Variants in FAM222A observed in about 807,000 individuals in gnomAD.
The protein encoded by FAM222A is family with sequence similarity 222 member A.
In FAM222A, 7 loss-of-function variants were observed where a neutral mutation model predicts 25.8. That is an observed-to-expected ratio of 0.27 (90% CI 0.15 to 0.51). The LOEUF (loss-of-function observed/expected upper bound fraction) is 0.51, where lower values mean the gene tolerates loss of function less well. FAM222A is among the 20% of genes least tolerant of loss of function. The pLI is 0.97. For missense variants in FAM222A, 573 were observed against 640.5 expected (o/e 0.89, Z 1.14); for synonymous variants, 294 against 298.8 (o/e 0.98, Z 0.17).
At chr12:109,720,435 A>C (rs556046162) in intron 1 of FAM222A, among the ~76,000 whole-genome samples, 1 of 152,340 alleles carries the variant, frequency 6.6e-6, no homozygotes, top group East Asian at 1.9e-4. Context: ...TCCAGGCCTG[A>C]GCTTGGCACT....
At chr12:109,737,521 G>A (rs1216453345) in intron 1 of FAM222A, among the ~76,000 whole-genome samples, 1 of 151,558 alleles carries the variant, frequency 6.6e-6, no homozygotes, top group Non-Finnish European at 1.5e-5. Context: ...CAGATACAGT[G>A]GTAATTCTGG....
At chr12:109,721,648 G>A (rs896227178) in intron 1 of FAM222A, among the ~76,000 whole-genome samples, 3 of 152,190 alleles carry the variant, frequency 2.0e-5, no homozygotes, top group Non-Finnish European at 2.9e-5. Context: ...GACCAGGGGG[G>A]ACAGCGAGGG....
At chr12:109,734,455 A>G (rs532822864) in intron 1 of FAM222A, 14 of 152,098 alleles carry the variant, frequency 9.2e-5, no homozygotes, top group Admixed American at 9.2e-4. Flanking sequence ...TGGATTTCCA[A>G]GCCTCTGGGG....
chr12:109,749,586 AG>A (rs1888504225), intron 2 of FAM222A, among the ~76,000 whole-genome samples: 1 of 152,140 alleles, frequency 6.6e-6, no homozygotes, highest in Non-Finnish European at 1.5e-5. Flanking sequence ...TTCAGGATTC[AG>A]TTTGGTGTAT....
In FAM222A at chr12:109,767,995, C is replaced by T. The variant is rs1463626840; in HGVS notation, c.83-17C>T. 2.5e-6 allele frequency: 4 copies of T among 1,606,382 alleles called. No homozygotes were observed. Among genetic ancestry groups the T allele is most frequent in the Middle Eastern group, 1.7e-4 (1 of 6,022 alleles). ...ATGGCCTCCTGATGGGCCCTCACAC[C>T]TGCTTTCCTCCCACAGGCGAGGCGG... is the stretch of plus-strand genomic sequence containing the variant. On this transcript the variant is annotated splice_polypyrimidine_tract_variant and intron_variant, in intron 2 of 2. Transcript: ENST00000538780.
chr12:109,746,805 C>A (rs1215872728), intron 2 of FAM222A, among the ~76,000 whole-genome samples: 1 of 152,160 alleles, frequency 6.6e-6, no homozygotes, highest in Non-Finnish European at 1.5e-5. Flanking sequence ...AACCTCCTCC[C>A]CTTTCTCTAC....
chr12:109,770,058 T>C lies in FAM222A; in HGVS notation c.*770T>C, dbSNP rs1340162974. ...ACTTTCACCCAAACTTGTATATTTA[T>C]TACAATTTTCTGCATCTTGAGGAAG... On this transcript the variant is annotated 3_prime_UTR_variant, in exon 3 of 3. Coordinates refer to ENST00000538780, the MANE Select transcript of FAM222A (RefSeq NM_032829.3). 6.6e-6 allele frequency: 1 copy of C among 152,222 alleles called. No individual in the cohort carries two copies. The highest frequency in any genetic ancestry group is 2.4e-5 in the African/African-American group (1 of 41,432). 9.4% of individuals were successfully genotyped at this position (152,222 alleles called of 1,614,324 possible). A position where few individuals can be genotyped will look rare whatever the true frequency, so the allele number is the denominator to read the frequency against.
In FAM222A at chr12:109,714,248, T is replaced by C; in HGVS notation, c.-696T>C. 1.5e-5 allele frequency: 3 copies of C among 194,992 alleles called. No homozygotes were observed. The highest frequency in any genetic ancestry group is 6.1e-5 in the Admixed American group (1 of 16,316). The allele number at this position is 194,992 out of a possible 1,614,324, so 12.1% of individuals were successfully genotyped here. On this transcript the variant is annotated 5_prime_UTR_variant, in exon 1 of 3. Coordinates refer to ENST00000538780, the MANE Select transcript of FAM222A (RefSeq NM_032829.3). The surrounding 1 kb of genome is among the most constrained non-coding windows in gnomAD (Gnocchi z 4.2). ...GCCGCCGCTGTTCGCCGGCTTCCCC[T>C]CCCCCCACACCCGGGGCTCAGAGCA... is the stretch of plus-strand genomic sequence containing the variant.
chr12:109,744,376 TC>T, intron 2 of FAM222A, 148 bp downstream of exon 2: 1 of 1,418,380 alleles, frequency 7.1e-7, no homozygotes, highest in Non-Finnish European at 9.2e-7. Flanking sequence ...TGTGCTGCCT[TC>T]CTGGTCTCCA....
intron 1 of FAM222A, among the ~76,000 whole-genome samples, chr12:109,728,823 C>T (rs1887887755): frequency 6.6e-6 from 1 of 152,216 alleles, no homozygotes; most frequent in Non-Finnish European, 1.5e-5. Context: ...AGTGACAGGG[C>T]TACACATCCA....
At chr12:109,720,639 G>A (rs115054122) in intron 1 of FAM222A, among the ~76,000 whole-genome samples, 2,511 of 152,344 alleles carry the variant, frequency 0.016, 65 homozygotes, top group African/African-American at 0.057. Flanking sequence ...TGCTATTTTT[G>A]CTCTTTATCC....
intron 2 of FAM222A, chr12:109,744,547 C>A: frequency 2.0e-6 from 2 of 985,406 alleles, no homozygotes; most frequent in Non-Finnish European, 2.4e-6. Context: ...TGTGTGTCTC[C>A]CTTACCACCA....
rs1237887589 is a variant in FAM222A at position 109,768,171 on chromosome 12, G to T, written c.242G>T (p.Gly81Val). 1.2e-6 allele frequency: 2 copies of T among 1,613,772 alleles called. No homozygotes were observed. Among genetic ancestry groups the T allele is most frequent in the South Asian group, 1.1e-5 (1 of 91,062 alleles). The change falls in exon 3 of 3, where the codon GGC becomes GTC. Residue 81 changes from glycine to valine, a missense_variant. Transcript: ENST00000538780. ...QHKHLSRTVN[G>V]YDTSGQRYSP... ...AAGCACCTCAGCCGCACAGTCAATG[G>T]CTATGACACCAGTGGCCAGCGCTAC...
At chr12:109,745,848 A>G (rs1461430910) in intron 2 of FAM222A, among the ~76,000 whole-genome samples, 1 of 150,206 alleles carries the variant, frequency 6.7e-6, no homozygotes, top group East Asian at 2.0e-4. Flanking sequence ...GAGGTTGAGT[A>G]TCTTTTTGTG....
rs61752601 is a variant in FAM222A at position 109,768,904 on chromosome 12, C to T, written c.975C>T (p.Ser325=). The change falls in exon 3 of 3, where the codon AGC becomes AGT. Residue 325 remains serine, a synonymous_variant. Coordinates refer to ENST00000538780, the MANE Select transcript of FAM222A (RefSeq NM_032829.3). ...GGGGCCGGGCATACGAGCGGGCCAGCGGGTCACCCCTCAACTGTGGCGTGG... is the reference window on the plus strand; with the variant it reads ...GGGGCCGGGCATACGAGCGGGCCAGTGGGTCACCCCTCAACTGTGGCGTGG... ...ACGGRAYERA[S]GSPLNCGVGL... 4.4e-4 allele frequency: 699 copies of T among 1,581,526 alleles called. 7 individuals carry two copies. The African/African-American group carries it at 6.5e-3, about 15-fold the overall frequency.
chr12:109,738,744 G>A (rs1436286760), intron 1 of FAM222A, among the ~76,000 whole-genome samples: 3 of 152,236 alleles, frequency 2.0e-5, no homozygotes, highest in African/African-American at 7.2e-5. Flanking sequence ...CCACAGTTCA[G>A]GGACTGCCCC....
chr12:109,715,980 A>G (rs1887635382), intron 1 of FAM222A, among the ~76,000 whole-genome samples: 3 of 152,280 alleles, frequency 2.0e-5, no homozygotes, highest in Admixed American at 1.3e-4. Flanking sequence ...GGGGCTCCCC[A>G]TGCTGTTCTA....
At chr12:109,744,291 C>A (rs920203404) in intron 2 of FAM222A, 63 bp downstream of exon 2, 1 of 1,544,638 alleles carries the variant, frequency 6.5e-7, no homozygotes, top group South Asian at 1.2e-5. Flanking sequence ...CCATTCACCC[C>A]CCAGGATGTC....
Position 109,769,017 on chromosome 12 carries a change from C to T in FAM222A, c.1088C>T (p.Pro363Leu). The T allele has an allele frequency of 6.3e-7, 1 of 1,580,100 alleles. No homozygotes were observed. The highest frequency in any genetic ancestry group is 8.6e-7 in the Non-Finnish European group (1 of 1,165,292). ...ACACCCACCAGCGACTGCTACAACC[C>T]AGCGGCGGCGGTGGTGGTCACGGAG... ...LVTPTSDCYN[P>L]AAAVVVTELG... Residue 363 changes from proline to leucine, a missense_variant, in exon 3 of 3, where the codon CCA (proline) becomes CTA (leucine). Coordinates refer to ENST00000538780, the MANE Select transcript of FAM222A (RefSeq NM_032829.3).
Sources: allele counts gnomAD v4.1 joint callset (sites outside exome capture counted in the v4.1 genomes callset), GRCh38; gene constraint gnomAD v4.1.1; non-coding constraint Gnocchi (gnomAD v3.1); transcripts MANE v1.5; gene names NCBI Gene and HGNC (gene_info 2026-07-23, HGNC 2026-07-21).